Variants in GRHL2 observed in about 807,000 individuals in gnomAD.
The protein encoded by GRHL2 is grainyhead-like protein 2 homolog.
In GRHL2, 21 loss-of-function variants were observed where a neutral mutation model predicts 83.8. That is an observed-to-expected ratio of 0.25 (90% CI 0.18 to 0.36). GRHL2 has a LOEUF of 0.36. GRHL2 is among the 10% of genes least tolerant of loss of function. The pLI is 1.00. For synonymous variants in GRHL2, 280 were observed against 278.9 expected (o/e 1.00, Z -0.04); for missense variants, 623 against 781.8 (o/e 0.80, Z 2.42).
intron 12 of GRHL2, among the ~76,000 whole-genome samples, chr8:101,641,109 T>C (rs541375751): frequency 1.6e-4 from 24 of 152,302 alleles, no homozygotes; most frequent in African/African-American, 5.3e-4. Flanking sequence ...ACTAAATCTA[T>C]GTTGTGTGTT....
chr8:101,675,105 C>T, the GRHL2 span, among the ~76,000 whole-genome samples: 1 of 152,106 alleles, frequency 6.6e-6, no homozygotes, highest in Admixed American at 6.5e-5. Flanking sequence ...CAATATCATA[C>T]TGAATGGGCA....
At chr8:101,650,400 G>T (rs1001102235) in intron 14 of GRHL2, among the ~76,000 whole-genome samples, 2 of 152,074 alleles carry the variant, frequency 1.3e-5, no homozygotes, top group African/African-American at 4.8e-5. Flanking sequence ...ACCACATTTT[G>T]TATTTCCACT....
At chr8:101,601,159 AACACACAC>A (rs5893575) in intron 8 of GRHL2, among the ~76,000 whole-genome samples, 3 of 137,404 alleles carry the variant, frequency 2.2e-5, no homozygotes, top group Non-Finnish European at 4.7e-5. Context: ...GACTGTCTTA[AACACACAC>A]ACACACACAC....
chr8:101,528,744 A>T, intron 1 of GRHL2: 1 of 271,084 alleles, frequency 3.7e-6, no homozygotes, highest in Admixed American at 4.2e-5. Flanking sequence ...CAGCTGAACC[A>T]GTGATAATCC....
chr8:101,495,455 A>C (rs189868146), intron 1 of GRHL2, among the ~76,000 whole-genome samples: 115 of 152,308 alleles, frequency 7.6e-4, no homozygotes, highest in African/African-American at 2.6e-3. Flanking sequence ...TTTTTAGGAC[A>C]TTTTGTCTTT....
intron 8 of GRHL2, among the ~76,000 whole-genome samples, chr8:101,609,664 C>T (rs1573283): frequency 0.5 from 75,078 of 150,258 alleles, 21,049 homozygotes; most frequent in African/African-American, 0.71. Context: ...AGAGAGAAAG[C>T]GATCTTCGGA....
At chr8:101,677,803 C>T in the GRHL2 span, among the ~76,000 whole-genome samples, 3 of 151,998 alleles carry the variant, frequency 2.0e-5, no homozygotes, top group Admixed American at 6.5e-5. Context: ...TATGTTAGCA[C>T]CCAGTACAGC....
At chr8:101,673,772 C>T (rs1343674653), downstream of GRHL2, among the ~76,000 whole-genome samples, 1 of 151,936 alleles carries the variant, frequency 6.6e-6, no homozygotes, top group African/African-American at 2.4e-5. Flanking sequence ...CAGCACCACA[C>T]CACACCTATT....
rs184058026 is a variant in GRHL2 at position 101,512,876 on chromosome 8, G to A, written c.20+20087G>A. Among the ~76,000 whole-genome samples the A allele has an allele frequency of 5.3e-5, 8 of 152,220 alleles. No individual in the cohort carries two copies. The East Asian group carries it at 1.2e-3, about 22-fold the overall frequency. On this transcript the variant is annotated intron_variant, in intron 1 of 15. Coordinates refer to ENST00000646743, the MANE Select transcript of GRHL2 (RefSeq NM_024915.4). The stretch of plus-strand genomic sequence containing the variant: ...ACAGAAACTGATGTCTCACCGTTTC[G>A]TAGGCTAAAGGTCTGAGATCCGGGT...
At chr8:101,501,389 G>A (rs1412781460) in intron 1 of GRHL2, among the ~76,000 whole-genome samples, 1 of 152,180 alleles carries the variant, frequency 6.6e-6, no homozygotes, top group East Asian at 1.9e-4. Context: ...TCTGAACTCT[G>A]AATATACAAA....
intron 13 of GRHL2, among the ~76,000 whole-genome samples, chr8:101,645,246 C>T (rs917010324): frequency 6.6e-6 from 1 of 150,798 alleles, no homozygotes; most frequent in Admixed American, 6.6e-5. Context: ...GATTCTCCTG[C>T]CTCAGCCTCC....
chr8:101,661,753 GAGAT>G (rs1195995037), intron 14 of GRHL2, among the ~76,000 whole-genome samples: 4 of 152,196 alleles, frequency 2.6e-5, no homozygotes, highest in African/African-American at 9.7e-5. Flanking sequence ...TGATAAGTGA[GAGAT>G]AGCTTGTTGG....
intron 7 of GRHL2, among the ~76,000 whole-genome samples, chr8:101,587,427 C>T (rs943195945): frequency 1.4e-4 from 21 of 152,180 alleles, no homozygotes; most frequent in African/African-American, 4.8e-4. Flanking sequence ...CATACTCACA[C>T]GCACAGATAA....
chr8:101,645,405 AC>A (rs1317197992), intron 13 of GRHL2, among the ~76,000 whole-genome samples: 1 of 152,068 alleles, frequency 6.6e-6, no homozygotes, highest in African/African-American at 2.4e-5. Flanking sequence ...TGCTGCATGG[AC>A]TTTTAATGAG....
At chr8:101,609,386 G>A (rs1812703313) in intron 8 of GRHL2, among the ~76,000 whole-genome samples, 1 of 150,916 alleles carries the variant, frequency 6.6e-6, no homozygotes, top group African/African-American at 2.5e-5. Context: ...AGAAACTCTG[G>A]GGGTGAGGCC....
At chr8:101,562,056 C>T in intron 4 of GRHL2, 1 of 736,078 alleles carries the variant, frequency 1.4e-6, no homozygotes, top group Admixed American at 1.8e-5. Flanking sequence ...TTTTCTCTTC[C>T]AACTACTTCC....
chr8:101,661,185 T>C (rs980085411), intron 14 of GRHL2, among the ~76,000 whole-genome samples: 3 of 152,250 alleles, frequency 2.0e-5, no homozygotes, highest in African/African-American at 4.8e-5. Context: ...TAGTGTGTTT[T>C]ATGTGTGGCC....
the GRHL2 span, among the ~76,000 whole-genome samples, chr8:101,677,329 G>A: frequency 6.6e-6 from 1 of 151,990 alleles, no homozygotes; most frequent in African/African-American, 2.4e-5. Context: ...GTTCTGCCAT[G>A]GGTTGTAGGT....
At chr8:101,632,089 G>A (rs1281060860) in intron 10 of GRHL2, 137 bp from the exon 11 acceptor site, 4 of 908,120 alleles carry the variant, frequency 4.4e-6, no homozygotes, top group African/African-American at 1.6e-5. Context: ...TGAGGTGGTG[G>A]GAGGTGTTGA....
Sources: gnomAD v4.1 joint callset for allele counts (sites outside exome capture counted in the v4.1 genomes callset) on GRCh38, gnomAD v4.1.1 for gene constraint, MANE v1.5 for transcripts, NCBI Gene and HGNC (gene_info 2026-07-23, HGNC 2026-07-21) for gene names.